Variants in POFUT3 observed in about 807,000 individuals in gnomAD.
POFUT3 encodes protein O-fucosyltransferase 3.
the POFUT3 span, among the ~76,000 whole-genome samples, chr8:33,462,877 G>C: frequency 1.3e-5 from 2 of 151,736 alleles, no homozygotes; most frequent in African/African-American, 4.8e-5. Flanking sequence ...GCTGCAGTAA[G>C]CCGTGACTGC....
chr8:33,435,455 A>T, the POFUT3 span, among the ~76,000 whole-genome samples: 1 of 149,346 alleles, frequency 6.7e-6, no homozygotes, highest in Non-Finnish European at 1.5e-5. Context: ...TGACTTTATG[A>T]TCTGCCCACC....
chr8:33,408,311 TAAAA>T, the POFUT3 span, among the ~76,000 whole-genome samples: 1 of 138,850 alleles, frequency 7.2e-6, no homozygotes, highest in African/African-American at 2.6e-5. Flanking sequence ...CTCTGTCTCT[TAAAA>T]AAAAAAAAAA....
the POFUT3 span, among the ~76,000 whole-genome samples, chr8:33,400,049 A>G: frequency 6.6e-6 from 1 of 151,042 alleles, no homozygotes; most frequent in Non-Finnish European, 1.5e-5. Flanking sequence ...AAAAGATTAT[A>G]TGGGAAAAGT....
the POFUT3 span, among the ~76,000 whole-genome samples, chr8:33,329,208 T>C: frequency 6.6e-6 from 1 of 152,170 alleles, no homozygotes; most frequent in Non-Finnish European, 1.5e-5. Context: ...AGGAGTCACA[T>C]GAAAAATATT....
At chr8:33,349,544 C>T in the POFUT3 span, among the ~76,000 whole-genome samples, 1 of 152,090 alleles carries the variant, frequency 6.6e-6, no homozygotes, top group Non-Finnish European at 1.5e-5. Flanking sequence ...TTTGGTTTTC[C>T]ACTCCTGAGT....
chr8:33,309,373 GTGTT>G, the POFUT3 span, among the ~76,000 whole-genome samples: 6 of 150,912 alleles, frequency 4.0e-5, no homozygotes, highest in South Asian at 8.4e-4. Context: ...GTGTGTGTGT[GTGTT>G]TTTCTCCCCT....
chr8:33,364,010 G>A, the POFUT3 span, among the ~76,000 whole-genome samples: 1 of 152,034 alleles, frequency 6.6e-6, no homozygotes, highest in Non-Finnish European at 1.5e-5. Flanking sequence ...ACACTGATGC[G>A]AAAATCCTCA....
At chr8:33,379,340 C>T in the POFUT3 span, among the ~76,000 whole-genome samples, 1 of 150,518 alleles carries the variant, frequency 6.6e-6, no homozygotes, top group Non-Finnish European at 1.5e-5. Context: ...CATTGCCATA[C>T]ATAAACATTG....
At chr8:33,333,126 C>T in the POFUT3 span, among the ~76,000 whole-genome samples, 13 of 152,352 alleles carry the variant, frequency 8.5e-5, no homozygotes, top group South Asian at 8.3e-4. Context: ...CAAGGCAAAT[C>T]GCCAAACTTC....
the POFUT3 span, among the ~76,000 whole-genome samples, chr8:33,361,689 A>T: frequency 6.6e-6 from 1 of 152,212 alleles, no homozygotes; most frequent in East Asian, 1.9e-4. Flanking sequence ...GCACATAGTA[A>T]ATGCTCAATA....
At chr8:33,332,422 T>G in the POFUT3 span, among the ~76,000 whole-genome samples, 1 of 150,300 alleles carries the variant, frequency 6.7e-6, no homozygotes, top group Non-Finnish European at 1.5e-5. Flanking sequence ...ACCTGAAAGG[T>G]TGCAGTGAGT....
At chr8:33,372,646 T>C in the POFUT3 span, 1 of 1,614,064 alleles carries the variant, frequency 6.2e-7, no homozygotes, top group Non-Finnish European at 8.5e-7. Flanking sequence ...CCAGCCACCT[T>C]AGTGCCTGGG....
chr8:33,464,848 G>A, the POFUT3 span, among the ~76,000 whole-genome samples: 2 of 152,096 alleles, frequency 1.3e-5, no homozygotes, highest in Non-Finnish European at 2.9e-5. Context: ...AACACTCACA[G>A]GTTACCTGCC....
the POFUT3 span, among the ~76,000 whole-genome samples, chr8:33,319,883 A>G: frequency 2.0e-5 from 3 of 147,232 alleles, no homozygotes; most frequent in East Asian, 4.0e-4. Context: ...AGGTATAGCT[A>G]GCTGCACCTG....
the POFUT3 span, among the ~76,000 whole-genome samples, chr8:33,449,935 CTTTTTTTTTTT>C: frequency 8.9e-6 from 1 of 112,336 alleles, no homozygotes; most frequent in African/African-American, 3.5e-5. Flanking sequence ...TGAAGCTTTT[CTTTTTTTTTTT>C]TTTTTTTTTG....
At chr8:33,448,508 C>T in the POFUT3 span, among the ~76,000 whole-genome samples, 3 of 152,206 alleles carry the variant, frequency 2.0e-5, no homozygotes, top group South Asian at 6.2e-4. Context: ...CTTGGTTCTC[C>T]ACTGGTGTAC....
the POFUT3 span, chr8:33,372,069 G>T: frequency 1.3e-6 from 1 of 755,230 alleles, no homozygotes; most frequent in Non-Finnish European, 1.6e-6. Flanking sequence ...CTTGAAGAGT[G>T]GATAGTGGAT....
At chr8:33,336,454 T>C in the POFUT3 span, among the ~76,000 whole-genome samples, 1 of 152,236 alleles carries the variant, frequency 6.6e-6, no homozygotes, top group Non-Finnish European at 1.5e-5. Context: ...TGTAAGTTTA[T>C]GTAATTTAAT....
the POFUT3 span, among the ~76,000 whole-genome samples, chr8:33,448,944 ACT>A: frequency 1.3e-5 from 2 of 151,964 alleles, no homozygotes; most frequent in African/African-American, 2.4e-5. Context: ...AAAAAAAAAG[ACT>A]CTAAGTCTCT....
Sources: gnomAD v4.1 joint callset for allele counts (sites outside exome capture counted in the v4.1 genomes callset) on GRCh38, gnomAD v4.1.1 for gene constraint, MANE v1.5 for transcripts, NCBI Gene and HGNC (gene_info 2026-07-23, HGNC 2026-07-21) for gene names.